PRKCH: variants seen among roughly 807,000 people sequenced by gnomAD.
PRKCH encodes protein kinase C eta type.
A neutral mutation model predicts 82.5 loss-of-function variants in PRKCH; 28 were observed. The observed-to-expected ratio is 0.34, with a 90% CI of 0.25 to 0.47. The LOEUF is 0.47. Among genes scored for constraint, PRKCH ranks in the 20% least tolerant of loss-of-function variants. PRKCH has a pLI of 1.00. For missense variants in PRKCH, 705 were observed against 881.8 expected, an observed-to-expected ratio of 0.80 and a Z score of 2.54; for synonymous variants, 322 against 327.4, an observed-to-expected ratio of 0.98 and a Z score of 0.18.
intron 1 of PRKCH, among the ~76,000 whole-genome samples, chr14:61,376,181 C>T (rs1187831795): frequency 6.6e-6 from 1 of 152,176 alleles, no homozygotes; most frequent in Non-Finnish European, 1.5e-5. Flanking sequence ...TTTCCTTACT[C>T]AGAAGGTGGT....
chr14:61,502,055 C>CTTTTTTTTTTTTTTT (rs1566916525), intron 10 of PRKCH, among the ~76,000 whole-genome samples: 1 of 84,294 alleles, frequency 1.2e-5, no homozygotes, highest in African/African-American at 5.4e-5. Flanking sequence ...CTTTTCTTTT[C>CTTTTTTTTTTTTTTT]TTTTCTTTTC....
In PRKCH at chr14:61,411,147, A is replaced by C. The variant is rs184133017; in HGVS notation, c.427+19859A>C. On this transcript the variant is annotated intron_variant, in intron 2 of 13. Coordinates refer to ENST00000332981, the MANE Select transcript of PRKCH (RefSeq NM_006255.5). ...CCATCCAACAGAGGCTGTCTTCACT[A>C]TGCAGACCTTTGAGCCACCTCAGAA... Among the ~76,000 whole-genome samples the C allele has an allele frequency of 1.5e-3, 230 of 152,298 alleles. 5 individuals are homozygous for C. In the East Asian group the frequency reaches 0.037, roughly 24 times the overall value.
intron 12 of PRKCH, among the ~76,000 whole-genome samples, chr14:61,532,408 T>A (rs2043053061): frequency 6.6e-6 from 1 of 152,340 alleles, no homozygotes; most frequent in Non-Finnish European, 1.5e-5. Flanking sequence ...CTCTGATAGA[T>A]ACCCTATGCC....
intron 1 of PRKCH, among the ~76,000 whole-genome samples, chr14:61,336,914 CA>C (rs1212085380): frequency 6.6e-6 from 1 of 151,662 alleles, no homozygotes; most frequent in African/African-American, 2.4e-5. Context: ...ACTAAAAATA[CA>C]AAAATTAGCT....
rs2044940320 is a variant in PRKCH, at chr14:61,250,929, A to T, written c.-19+63261A>T. Among the ~76,000 whole-genome samples, 3 of 152,212 alleles carry T rather than the reference A, an allele frequency of 2.0e-5. No individual in the cohort carries two copies. The South Asian group carries it at 6.2e-4, about 31-fold the overall frequency. ...TTTAAAAAAAGGTCTAGCATATTTT[A>T]AAAAAAGATATAAAGGAAGCAGAGT... On this transcript the variant is annotated intron_variant, in intron 1 of 3. Transcript: ENST00000555185.
chr14:61,450,815 C>G, intron 5 of PRKCH, 27 bp from the exon 6 acceptor site: 4 of 1,608,792 alleles, frequency 2.5e-6, no homozygotes, highest in Non-Finnish European at 3.4e-6. Flanking sequence ...CATTTTAGCT[C>G]TTGTCCCTTT....
Position 61,280,301 on chromosome 14 carries a change from A to T in PRKCH, c.-19+92633A>T, listed in dbSNP as rs1390243372. 4 of 1,613,818 alleles carry T rather than the reference A, an allele frequency of 2.5e-6. No individual in the cohort carries two copies. The South Asian group carries it at 4.4e-5, about 18-fold the overall frequency. ...TAGTTGTAGGTGATGTTGACGCGGTAGGCGCCCCGCGGCAGCCCGGCCGAG... is the reference window on the plus strand; with the variant it reads ...TAGTTGTAGGTGATGTTGACGCGGTTGGCGCCCCGCGGCAGCCCGGCCGAG... On this transcript the variant is annotated intron_variant, in intron 1 of 3. Coordinates refer to the PRKCH transcript ENST00000555185. This position sits in a 1 kb window ranked among gnomAD's most constrained non-coding sequence, Gnocchi z 5.0.
intron 1 of PRKCH, among the ~76,000 whole-genome samples, chr14:61,264,099 C>T (rs1429127878): frequency 6.6e-6 from 1 of 152,086 alleles, no homozygotes; most frequent in Admixed American, 6.6e-5. Flanking sequence ...AGCAGAATCT[C>T]ATTAAAAATC....
chr14:61,319,663 C>T (rs79310799), upstream of PRKCH, among the ~76,000 whole-genome samples: 15 of 152,320 alleles, frequency 9.8e-5, no homozygotes, highest in East Asian at 2.7e-3. Context: ...CCTTTAGTGG[C>T]TCTTAAAGCT....
intron 1 of PRKCH, among the ~76,000 whole-genome samples, chr14:61,233,887 A>G (rs2044765368): frequency 6.6e-6 from 1 of 152,192 alleles, no homozygotes; most frequent in Non-Finnish European, 1.5e-5. Flanking sequence ...GCAGCATGAG[A>G]ATGGATGAAT....
chr14:61,346,703 A>T (rs2045996951), intron 1 of PRKCH, among the ~76,000 whole-genome samples: 1 of 152,200 alleles, frequency 6.6e-6, no homozygotes. Context: ...TATGGTGTTA[A>T]TGCAGAATTC....
chr14:61,374,037 G>C (rs1211122476), intron 1 of PRKCH, among the ~76,000 whole-genome samples: 1 of 152,130 alleles, frequency 6.6e-6, no homozygotes, highest in Non-Finnish European at 1.5e-5. Flanking sequence ...AGATGCAATG[G>C]GGGTACAGGC....
At chr14:61,441,363 G>C (rs1474384415) in intron 2 of PRKCH, among the ~76,000 whole-genome samples, 1 of 152,178 alleles carries the variant, frequency 6.6e-6, no homozygotes, top group Admixed American at 6.5e-5. Flanking sequence ...CGGTGTGGTA[G>C]GGTCAGGACT....
chr14:61,478,966 A>T (rs564490445), intron 9 of PRKCH, among the ~76,000 whole-genome samples: 1 of 152,314 alleles, frequency 6.6e-6, no homozygotes, highest in African/African-American at 2.4e-5. Flanking sequence ...CAAAAAAAAG[A>T]ACTAAAAATA....
At chr14:61,350,746 C>T (rs1310146987) in intron 1 of PRKCH, among the ~76,000 whole-genome samples, 2 of 152,160 alleles carry the variant, frequency 1.3e-5, no homozygotes, top group Non-Finnish European at 2.9e-5. Context: ...TTTACTGTGC[C>T]AACCCCTTAA....
At chr14:61,462,532 G>A (rs1885072173) in intron 9 of PRKCH, among the ~76,000 whole-genome samples, 1 of 152,236 alleles carries the variant, frequency 6.6e-6, no homozygotes, top group African/African-American at 2.4e-5. Flanking sequence ...TTTGCTCGCT[G>A]TGCATTCGTC....
At chr14:61,356,481 A>G (rs1296096911) in intron 1 of PRKCH, among the ~76,000 whole-genome samples, 1 of 152,118 alleles carries the variant, frequency 6.6e-6, no homozygotes, top group Non-Finnish European at 1.5e-5. Flanking sequence ...ACAGACCGAC[A>G]TATTTTTCCG....
chr14:61,355,403 T>G (rs1434498672), intron 1 of PRKCH, among the ~76,000 whole-genome samples: 1 of 152,148 alleles, frequency 6.6e-6, no homozygotes, highest in Non-Finnish European at 1.5e-5. Flanking sequence ...TAGCTGTACC[T>G]ATTCTGCTGT....
intron 1 of PRKCH, among the ~76,000 whole-genome samples, chr14:61,198,017 T>G (rs942066753): frequency 6.6e-6 from 1 of 152,206 alleles, no homozygotes; most frequent in African/African-American, 2.4e-5. Flanking sequence ...TTAAAGTAAT[T>G]GTTTTGTTTG....
Sources: allele counts gnomAD v4.1 joint callset (sites outside exome capture counted in the v4.1 genomes callset), GRCh38; gene constraint gnomAD v4.1.1; non-coding constraint Gnocchi (gnomAD v3.1); transcripts MANE v1.5; gene names NCBI Gene and HGNC (gene_info 2026-07-23, HGNC 2026-07-21).